Variants in ODF2 observed in about 807,000 individuals in gnomAD.
ODF2 encodes the protein outer dense fiber of sperm tails 2.
In ODF2, 47 loss-of-function variants were observed where a neutral mutation model predicts 110.2. The ratio of observed to expected loss-of-function variants is 0.43; its 90% CI spans 0.34 to 0.54. The LOEUF (loss-of-function observed/expected upper bound fraction) is 0.54, where lower values mean the gene tolerates loss of function less well. Among genes scored for constraint, ODF2 ranks in the 20% least tolerant of loss-of-function variants. The probability of loss-of-function intolerance (pLI) is 0.03; values close to 1 mark genes in which losing one functional copy is unlikely to be tolerated. For missense variants in ODF2, 812 were observed against 1,054.5 expected, an observed-to-expected ratio of 0.77 and a Z score of 3.19; for synonymous variants, 352 against 397.7, an observed-to-expected ratio of 0.89 and a Z score of 1.37.
intron 4 of ODF2, among the ~76,000 whole-genome samples, chr9:128,461,548 A>T (rs998931853): frequency 5.3e-5 from 8 of 152,030 alleles, no homozygotes; most frequent in African/African-American, 1.9e-4. Flanking sequence ...CCTCCCTAGT[A>T]GCTGGGACTA....
At chr9:128,465,164 C>G (rs1007288108) in intron 4 of ODF2, among the ~76,000 whole-genome samples, 1 of 152,184 alleles carries the variant, frequency 6.6e-6, no homozygotes, top group Non-Finnish European at 1.5e-5. Context: ...TGCCCAGGTT[C>G]TCTCAGCACC....
upstream of ODF2, chr9:128,455,242 G>A: frequency 2.0e-6 from 3 of 1,535,258 alleles, no homozygotes; most frequent in Non-Finnish European, 2.6e-6. Context: ...TGTACACAGA[G>A]CGGCATAGAG....
At chr9:128,482,698 G>A (rs1588907098) in intron 9 of ODF2, 118 bp from the exon 10 acceptor site, 2 of 616,920 alleles carry the variant, frequency 3.2e-6, no homozygotes, top group East Asian at 2.9e-5. Context: ...CTCTGACATG[G>A]GCCAATGTAT....
At chr9:128,500,134 A>G (rs2132366763) in exon 21 of ODF2, 1 of 1,614,240 alleles carries the variant, frequency 6.2e-7, no homozygotes, top group Middle Eastern at 1.6e-4. Flanking sequence ...GAGAGCACCA[A>G]CCGCAGCATG....
At chr9:128,457,292 G>T in exon 2 of ODF2, 1 of 1,606,112 alleles carries the variant, frequency 6.2e-7, no homozygotes. Flanking sequence ...CCCTCAGAGA[G>T]GACGTTTGAT....
intron 5 of ODF2, among the ~76,000 whole-genome samples, chr9:128,470,627 GAAA>G (rs966690662): frequency 1.6e-5 from 2 of 127,858 alleles, no homozygotes; most frequent in Non-Finnish European, 3.4e-5. Flanking sequence ...TGTTTCAAAA[GAAA>G]AAAAAAAAAA....
chr9:128,499,045 C>A, exon 20 of ODF2: 1 of 1,614,166 alleles, frequency 6.2e-7, no homozygotes. Context: ...AGCGAGCAGC[C>A]CAGAACAAAA....
chr9:128,485,899 A>C lies in ODF2; in HGVS notation c.1400+425A>C. 6.6e-6 allele frequency among the ~76,000 whole-genome samples: 1 copy of C among 152,152 alleles called. No homozygotes were observed. Among genetic ancestry groups the C allele is most frequent in the East Asian group, 1.9e-4 (1 of 5,188 alleles). On this transcript the variant is annotated intron_variant, in intron 13 of 20. Transcript: ENST00000604420. The surrounding 1 kb of genome is among the most constrained non-coding windows in gnomAD (Gnocchi z 5.0). ...CAGCAGCTGTTTGCCAGTGCCTGCC[A>C]GTCAGTAGGTCAGTGGTATGGCATG...
chr9:128,489,604 T>C (rs1181531911), intron 14 of ODF2, among the ~76,000 whole-genome samples: 3 of 152,262 alleles, frequency 2.0e-5, no homozygotes, highest in East Asian at 1.9e-4. Flanking sequence ...TATGTCGTTA[T>C]ATGAACACAC....
intron 5 of ODF2, among the ~76,000 whole-genome samples, chr9:128,470,041 AT>A (rs1839540117): frequency 6.1e-5 from 6 of 98,168 alleles, no homozygotes; most frequent in East Asian, 3.5e-4. Context: ...ATATATATAT[AT>A]ATATAAATAA....
At position 128,474,683 on chromosome 9, in the gene ODF2, C is replaced by A. The variant is rs1253687604; in HGVS notation, c.843+942C>A. Among the ~76,000 whole-genome samples the A allele has an allele frequency of 4.6e-5, 7 of 150,938 alleles. No individual in the cohort carries two copies. The East Asian group carries it at 1.4e-3, about 30-fold the overall frequency. On this transcript the variant is annotated intron_variant, in intron 8 of 20. Coordinates refer to ENST00000604420, the Ensembl canonical transcript of ODF2. ...CTAAAAAAAAAAAAACATGTCTGGG[C>A]CAGGTGCGGTGGCTCATGCCTGTAA...
intron 4 of ODF2, among the ~76,000 whole-genome samples, chr9:128,468,564 C>G (rs1029878076): frequency 6.6e-6 from 1 of 152,084 alleles, no homozygotes; most frequent in Admixed American, 6.6e-5. Context: ...GTTCTGTTGC[C>G]CAGGCTGGAG....
chr9:128,490,140 G>A (rs1262255136), intron 14 of ODF2, among the ~76,000 whole-genome samples: 1 of 152,146 alleles, frequency 6.6e-6, no homozygotes, highest in Non-Finnish European at 1.5e-5. Flanking sequence ...ACCAGCCTGG[G>A]CAACCCCAGC....
At chr9:128,476,280 C>T (rs919833854) in intron 8 of ODF2, among the ~76,000 whole-genome samples, 4 of 152,150 alleles carry the variant, frequency 2.6e-5, no homozygotes, top group Admixed American at 6.6e-5. Flanking sequence ...GAAATGGTGA[C>T]GTTCTTCTTA....
intron 12 of ODF2, 92 bp downstream of exon 12, chr9:128,484,978 G>A: frequency 7.6e-7 from 1 of 1,307,426 alleles, no homozygotes; most frequent in Non-Finnish European, 1.1e-6. Flanking sequence ...AGCGGGGAGG[G>A]GTGGGTGGAT....
At chr9:128,486,667 A>C (rs1843413540) in intron 13 of ODF2, among the ~76,000 whole-genome samples, 1 of 152,232 alleles carries the variant, frequency 6.6e-6, no homozygotes. Flanking sequence ...CTGAGGCAGC[A>C]GCAGGGAGCA....
Position 128,484,821 on chromosome 9 carries a change from C to T in ODF2, c.1225C>T (p.Gln409Ter). The T allele has an allele frequency of 6.2e-7, 1 of 1,613,974 alleles. No individual in the cohort carries two copies. The highest frequency in any genetic ancestry group is 8.5e-7 in the Non-Finnish European group (1 of 1,179,974). ...GAGCTTGAAGAAGGCCATCCGAGCCCAGAAGGAGCGAGCCGAGAAGAGCGA... is the reference window on the plus strand; with the variant it reads ...GAGCTTGAAGAAGGCCATCCGAGCCTAGAAGGAGCGAGCCGAGAAGAGCGA... The change falls in exon 12 of 21, where the codon CAG becomes TAG. Residue 409 changes from glutamine to a stop codon, truncating the protein, a stop_gained. Transcript: ENST00000604420. LOFTEE classifies it high-confidence loss of function.
chr9:128,490,729 C>G (rs924958950), intron 14 of ODF2, among the ~76,000 whole-genome samples: 3 of 152,176 alleles, frequency 2.0e-5, no homozygotes, highest in Admixed American at 6.5e-5. Flanking sequence ...ATCAAGCACA[C>G]ACACATCCAC....
At chr9:128,469,730 C>G (rs1441193864) in intron 5 of ODF2, among the ~76,000 whole-genome samples, 2 of 151,886 alleles carry the variant, frequency 1.3e-5, no homozygotes, top group East Asian at 3.9e-4. Context: ...CATGGTGGCT[C>G]ACGCCTGTAA....
Sources: gnomAD v4.1 joint callset for allele counts (sites outside exome capture counted in the v4.1 genomes callset) on GRCh38, gnomAD v4.1.1 for gene constraint, Gnocchi (gnomAD v3.1) non-coding constraint, MANE v1.5 for transcripts, NCBI Gene and HGNC (gene_info 2026-07-23, HGNC 2026-07-21) for gene names.